Variants in RBFOX3 observed in about 807,000 individuals in gnomAD.
RBFOX3 encodes the protein RNA binding fox-1 homolog 3, also known as RNA binding protein fox-1 homolog 3.
In RBFOX3, 17 loss-of-function variants were observed where a neutral mutation model predicts 48.7. That is an observed-to-expected ratio of 0.35 (90% confidence interval 0.24 to 0.52). The LOEUF (loss-of-function observed/expected upper bound fraction) is 0.52. Among genes scored for constraint, RBFOX3 ranks in the 20% least tolerant of loss-of-function variants. The pLI is 0.94. For missense variants in RBFOX3, 382 were observed against 497.5 expected (o/e 0.77, Z 2.21); for synonymous variants, 212 against 209.5 (o/e 1.01, Z -0.10).
chr17:79,489,240 TAAA>T (rs71161671), intron 1 of RBFOX3, among the ~76,000 whole-genome samples: 16,280 of 126,492 alleles, frequency 0.13, 1,160 homozygotes, highest in Middle Eastern at 0.17. Flanking sequence ...GCCAGAAAGT[TAAA>T]AAAAAAAAAA....
chr17:79,441,709 C>T (rs2149015241), intron 2 of RBFOX3, among the ~76,000 whole-genome samples: 1 of 152,350 alleles, frequency 6.6e-6, no homozygotes, highest in Non-Finnish European at 1.5e-5. Flanking sequence ...CAGCAACCCC[C>T]AGAAAGCAGT....
In RBFOX3 at chr17:79,209,996, C is replaced by CAAA. The variant is rs11452185; in HGVS notation, c.-34+25767_-34+25769dup. Among the ~76,000 whole-genome samples, 1,200 of 132,838 alleles carry CAAA rather than the reference C, an allele frequency of 9.0e-3. 34 individuals are homozygous for CAAA. Among genetic ancestry groups the CAAA allele is most frequent in the African/African-American group, 0.033 (1,150 of 35,266 alleles). 87.1% of individuals were successfully genotyped at this position (132,838 alleles called of 152,430 possible). ...TGGGCGACAGAGCAAGACTCCATCTCAAAAAAAAAAAAAAAAGAAAGAAAA... is the reference window on the plus strand; with the variant it reads ...TGGGCGACAGAGCAAGACTCCATCTCAAAAAAAAAAAAAAAAAAAGAAAGAAAA... On this transcript the variant is annotated intron_variant, in intron 4 of 14. Transcript: ENST00000693108.
rs1218242682 is a variant in RBFOX3 at position 79,363,108 on chromosome 17, C to T, written c.-174-55284G>A. Reference sequence around the variant, plus strand: ...GCGAGGTTTCTGGGCCATAGTGAGCCGCAGGGGAGGCACGTGGCTCCTGCA... The same window carrying T: ...GCGAGGTTTCTGGGCCATAGTGAGCTGCAGGGGAGGCACGTGGCTCCTGCA... On this transcript the variant is annotated intron_variant, in intron 2 of 14. Coordinates refer to ENST00000693108, the MANE Select transcript of RBFOX3 (RefSeq NM_001350451.2). This position sits in a 1 kb window ranked among gnomAD's most constrained non-coding sequence, Gnocchi z 4.7. 2.6e-5 allele frequency among the ~76,000 whole-genome samples: 4 copies of T among 152,144 alleles called. No individual in the cohort carries two copies. The highest frequency in any genetic ancestry group is 9.7e-5 in the African/African-American group (4 of 41,436).
rs1031388209 is a variant in RBFOX3 at position 79,091,996 on chromosome 17, G to A, written c.1078-1111C>T. 2.5e-5 allele frequency: 25 copies of A among 985,498 alleles called. No homozygotes were observed. In the East Asian group the frequency reaches 2.0e-3, roughly 81 times the overall value. The allele number at this position is 985,498 out of a possible 1,614,324, so 61.0% of individuals were successfully genotyped here. A position where few individuals can be genotyped will look rare whatever the true frequency, so the allele number is the denominator to read the frequency against. The stretch of plus-strand genomic sequence containing the variant: ...AATATTAGTTTCAGCTGAATGGGGC[G>A]AGGAGGGGCAGTGGCTACTCCTGTG... On this transcript the variant is annotated intron_variant, in intron 14 of 14. Coordinates refer to ENST00000693108, the MANE Select transcript of RBFOX3 (RefSeq NM_001350451.2).
chr17:79,269,616 C>T (rs1211858972), intron 3 of RBFOX3, among the ~76,000 whole-genome samples: 1 of 119,398 alleles, frequency 8.4e-6, no homozygotes, highest in Non-Finnish European at 1.9e-5. Context: ...TCTCTGTTCT[C>T]CCCCTACCTG....
At chr17:79,368,128 G>A (rs577994350) in intron 2 of RBFOX3, among the ~76,000 whole-genome samples, 2 of 152,326 alleles carry the variant, frequency 1.3e-5, no homozygotes, top group Non-Finnish European at 2.9e-5. Flanking sequence ...CCTTTATTAC[G>A]CATTGGCCCT....
At chr17:79,627,842 C>T in the RBFOX3 span, among the ~76,000 whole-genome samples, 1 of 152,136 alleles carries the variant, frequency 6.6e-6, no homozygotes, top group Admixed American at 6.5e-5. Context: ...GTGCCCCCTG[C>T]AAGGGCAGCC....
chr17:79,255,304 G>A (rs1414916722), intron 3 of RBFOX3, among the ~76,000 whole-genome samples: 1 of 151,926 alleles, frequency 6.6e-6, no homozygotes, highest in Non-Finnish European at 1.5e-5. Flanking sequence ...TGGGGTGACG[G>A]TGCCGTAGAC....
intron 2 of RBFOX3, among the ~76,000 whole-genome samples, chr17:79,366,645 C>G (rs764951711): frequency 2.0e-5 from 3 of 152,212 alleles, no homozygotes; most frequent in East Asian, 1.9e-4. Flanking sequence ...CCAGCCGCCT[C>G]GCCGCCAGCC....
chr17:79,309,162 GTT>G (rs2076498177), intron 2 of RBFOX3, among the ~76,000 whole-genome samples: 3 of 151,826 alleles, frequency 2.0e-5, no homozygotes, highest in African/African-American at 7.3e-5. Context: ...ATGACATCTT[GTT>G]ATAGCAGCCC....
intron 1 of RBFOX3, among the ~76,000 whole-genome samples, chr17:79,558,445 G>C (rs1394673870): frequency 5.9e-5 from 9 of 152,194 alleles, no homozygotes; most frequent in African/African-American, 2.2e-4. Context: ...CTGAGGGGCG[G>C]GGCTGAGGGC....
intron 1 of RBFOX3, among the ~76,000 whole-genome samples, chr17:79,484,564 G>A (rs1157089478): frequency 1.3e-5 from 2 of 148,482 alleles, no homozygotes; most frequent in Admixed American, 6.7e-5. Context: ...CCTGGGTGCA[G>A]GGGGCCTGGG....
At chr17:79,094,402 C>T (rs1239270844) in intron 14 of RBFOX3, 49 bp downstream of exon 14, 1 of 1,393,090 alleles carries the variant, frequency 7.2e-7, no homozygotes, top group Non-Finnish European at 9.6e-7. Flanking sequence ...CCACCCATGC[C>T]CAGCTGTTAG....
intron 2 of RBFOX3, among the ~76,000 whole-genome samples, chr17:79,378,755 G>C (rs1298426355): frequency 1.3e-5 from 2 of 152,212 alleles, no homozygotes; most frequent in African/African-American, 4.8e-5. Context: ...TCTCCAGTAG[G>C]GGCTAATGGA....
chr17:79,593,380 C>T (rs1441260231), intron 1 of RBFOX3, among the ~76,000 whole-genome samples: 2 of 152,206 alleles, frequency 1.3e-5, no homozygotes, highest in African/African-American at 4.8e-5. Flanking sequence ...TTTACAATTC[C>T]CCTGTGGCCT....
At position 79,103,186 on chromosome 17, in the gene RBFOX3, C is replaced by G; in HGVS notation, c.483G>C (p.Thr161=). The G allele has an allele frequency of 9.0e-6, 14 of 1,551,376 alleles. No individual in the cohort carries two copies. The highest frequency in any genetic ancestry group is 1.2e-5 in the Non-Finnish European group (14 of 1,146,882). ...CCTCAATTTTCCGTCCCTCTACGAT[C>G]GTCCCATTCAGCTTCTCCCGGGCTC... is the stretch of plus-strand genomic sequence containing the variant. The part of the protein sequence containing the change: ...ADRAREKLNG[T]IVEGRKIEVN... The change falls in exon 8 of 15, where the codon ACG becomes ACC. Residue 161 remains threonine (T), a synonymous_variant. Transcript: ENST00000693108. This position sits in a 1 kb window ranked among gnomAD's most constrained non-coding sequence, Gnocchi z 6.1.
At chr17:79,100,724 G>A (rs548169989) in intron 9 of RBFOX3, among the ~76,000 whole-genome samples, 1 of 152,218 alleles carries the variant, frequency 6.6e-6, no homozygotes, top group Non-Finnish European at 1.5e-5. Flanking sequence ...AGGAATGAGC[G>A]GAGGCCCCCA....
In RBFOX3 at chr17:79,489,168, A is replaced by C. The variant is rs943236913; in HGVS notation, c.-319-6570T>G. ...CATTTTAGATTTTACTTTTCTCCCC[A>C]AACTACGCCTTTGCTGGTTCATTTT... On this transcript the variant is annotated intron_variant, in intron 1 of 14. Transcript: ENST00000693108. Among the ~76,000 whole-genome samples, 4 of 150,344 alleles carry C rather than the reference A, an allele frequency of 2.7e-5. No individual in the cohort carries two copies. In the South Asian group the frequency reaches 6.3e-4, roughly 24 times the overall value.
rs552359861 is a variant in RBFOX3 at position 79,252,671 on chromosome 17, C to A, written c.-73-16866G>T. Reference sequence around the variant, plus strand: ...CGTTTCAAGCCGCTACGTTTGTTTGCGACGGCGGCACCTAATGCGGTCCTC... The same window carrying A: ...CGTTTCAAGCCGCTACGTTTGTTTGAGACGGCGGCACCTAATGCGGTCCTC... On this transcript the variant is annotated intron_variant, in intron 3 of 14. Coordinates refer to ENST00000693108, the MANE Select transcript of RBFOX3 (RefSeq NM_001350451.2). This position sits in a 1 kb window ranked among gnomAD's most constrained non-coding sequence, Gnocchi z 4.0. 6.6e-6 allele frequency among the ~76,000 whole-genome samples: 1 copy of A among 152,290 alleles called. No individual in the cohort carries two copies. Among genetic ancestry groups the A allele is most frequent in the Non-Finnish European group, 1.5e-5 (1 of 68,020 alleles).
Sources: allele counts gnomAD v4.1 joint callset (sites outside exome capture counted in the v4.1 genomes callset), GRCh38; gene constraint gnomAD v4.1.1; non-coding constraint Gnocchi (gnomAD v3.1); transcripts MANE v1.5; gene names NCBI Gene and HGNC (gene_info 2026-07-23, HGNC 2026-07-21).